PIKFYVE: variants seen among roughly 807,000 people sequenced by gnomAD.
PIKFYVE encodes the protein phosphoinositide kinase, FYVE-type zinc finger containing, also known as 1-phosphatidylinositol 3-phosphate 5-kinase.
Under a neutral mutation model 257.9 loss-of-function variants are expected in PIKFYVE, and 122 were observed. That is an observed-to-expected ratio of 0.47 (90% CI 0.41 to 0.55). The LOEUF is 0.55. Ranked by LOEUF, PIKFYVE falls within the 20% of genes least tolerant of loss-of-function variation. The pLI, the probability that PIKFYVE is intolerant of heterozygous loss-of-function variation, is 0.00. For missense variants in PIKFYVE, 2,160 were observed against 2,536.6 expected, an observed-to-expected ratio of 0.85 and a Z score of 3.19; for synonymous variants, 892 against 868.9, an observed-to-expected ratio of 1.03 and a Z score of -0.47.
intron 35 of PIKFYVE, among the ~76,000 whole-genome samples, chr2:208,349,114 G>C (rs555847319): frequency 3.9e-5 from 6 of 152,284 alleles, no homozygotes; most frequent in Middle Eastern, 3.4e-3. Context: ...AGTGAGCCGA[G>C]ATTGCGCCAT....
intron 5 of PIKFYVE, 131 bp from the exon 6 acceptor site, chr2:208,285,595 C>T: frequency 1.3e-6 from 1 of 755,116 alleles, no homozygotes; most frequent in Admixed American, 2.1e-5. Context: ...TTTTGAGAGT[C>T]TGTACTTGAA....
intron 6 of PIKFYVE, among the ~76,000 whole-genome samples, chr2:208,287,488 G>C (rs1691736332): frequency 6.6e-6 from 1 of 151,966 alleles, no homozygotes; most frequent in African/African-American, 2.4e-5. Flanking sequence ...TGGCCAGGCT[G>C]GTCTTGAACT....
upstream of PIKFYVE, chr2:208,266,243 G>C (rs1370082373): frequency 9.5e-4 from 2 of 2,112 alleles, no homozygotes; most frequent in African/African-American, 1.0e-3. Context: ...CGGAGTCTTG[G>C]GGGGGGGAAG....
In PIKFYVE at chr2:208,326,042, C is replaced by T; in HGVS notation, c.3231C>T (p.Thr1077=). ...LLTEKGMRCS[T]RDYFAEQVYW... ...CTGAAAAGGGGATGAGATGCTCTAC[C>T]CGAGATTATTTTGCAGAGCAGGTTT... is the stretch of plus-strand genomic sequence containing the variant. Residue 1077 remains threonine, a synonymous_variant, in exon 20 of 42, where the codon ACC becomes ACT. Transcript: ENST00000264380. 1.9e-6 allele frequency: 3 copies of T among 1,614,120 alleles called. No individual in the cohort carries two copies. The South Asian group carries it at 3.3e-5, about 18-fold the overall frequency.
chr2:208,270,532 C>A (rs1435296284), intron 1 of PIKFYVE, among the ~76,000 whole-genome samples: 2 of 151,964 alleles, frequency 1.3e-5, no homozygotes, highest in African/African-American at 4.8e-5. Flanking sequence ...ATCTTAATGT[C>A]TATGAATTGA....
Position 208,325,941 on chromosome 2 carries a change from G to A in PIKFYVE, c.3130G>A (p.Ala1044Thr). The A allele has an allele frequency of 1.2e-6, 2 of 1,614,054 alleles. No individual in the cohort carries two copies. Among genetic ancestry groups the A allele is most frequent in the East Asian group, 2.2e-5 (1 of 44,872 alleles). The change falls in exon 20 of 42, where the codon GCC becomes ACC. Residue 1044 changes from alanine (A) to threonine (T), a missense_variant. By Grantham distance (58) the Ala-to-Thr change is moderately conservative. Around this residue, in one of 12 missense-constraint regions of PIKFYVE, gnomAD observed 522 missense variants for 514.6 expected, o/e 1.01. Transcript: ENST00000264380. ...AGATAAACGAAAGACTTATTCTTTG[G>A]CCTTTAAGCAGGAATTAAAAGATGT... Reference protein sequence around the residue: ...SEDKRKTYSLAFKQELKDVIL... With the variant: ...SEDKRKTYSLTFKQELKDVIL...
At chr2:208,275,661 TTAGA>T (rs1690008986) in intron 3 of PIKFYVE, among the ~76,000 whole-genome samples, 2 of 152,330 alleles carry the variant, frequency 1.3e-5, no homozygotes, top group South Asian at 4.1e-4. Flanking sequence ...TTTGTAAACT[TTAGA>T]TCCCAACCTC....
At chr2:208,284,882 T>C (rs992524115) in intron 5 of PIKFYVE, among the ~76,000 whole-genome samples, 4 of 152,098 alleles carry the variant, frequency 2.6e-5, no homozygotes, top group Admixed American at 1.3e-4. Flanking sequence ...TTGGCCAGGT[T>C]GTTCTTGAGC....
intron 39 of PIKFYVE, among the ~76,000 whole-genome samples, chr2:208,352,995 A>G (rs1202441180): frequency 2.0e-5 from 3 of 152,242 alleles, no homozygotes; most frequent in Non-Finnish European, 4.4e-5. Flanking sequence ...AGCATATCCA[A>G]TATTCTAGAA....
At chr2:208,310,689 G>A (rs1227459534) in intron 12 of PIKFYVE, among the ~76,000 whole-genome samples, 2 of 152,092 alleles carry the variant, frequency 1.3e-5, no homozygotes, top group East Asian at 1.9e-4. Context: ...GTGGGACATT[G>A]CACAGAACAT....
chr2:208,324,059 T>G (rs1696626814), intron 17 of PIKFYVE, 83 bp from the exon 18 acceptor site: 1 of 1,470,092 alleles, frequency 6.8e-7, no homozygotes, highest in African/African-American at 1.4e-5. Context: ...ATTCTGTAGG[T>G]TGCCTGTTCA....
In PIKFYVE at chr2:208,326,507, C is replaced by CA. The variant is rs1259960787; in HGVS notation, c.3618+79dup. On this transcript the variant is annotated intron_variant, in intron 20 of 41. Transcript: ENST00000264380. ...CTCCTCAAAGGCAGGCTAAAAAAAT[C>CA]AGTTTGGCAGACTGCATGCAGATTT... The CA allele has an allele frequency of 3.4e-6, 5 of 1,458,778 alleles. No homozygotes were observed. The African/African-American group carries it at 4.2e-5, about 12-fold the overall frequency. The allele number at this position is 1,458,778 out of a possible 1,614,324, so 90.4% of individuals were successfully genotyped here. A position where few individuals can be genotyped will look rare whatever the true frequency, so the allele number is the denominator to read the frequency against.
intron 1 of PIKFYVE, among the ~76,000 whole-genome samples, chr2:208,267,927 A>C (rs1458800783): frequency 6.6e-6 from 1 of 152,158 alleles, no homozygotes; most frequent in East Asian, 1.9e-4. Flanking sequence ...CACAGGTGTG[A>C]GCAGCCACGT....
At chr2:208,305,080 A>G (rs1694162799) in intron 12 of PIKFYVE, 67 bp downstream of exon 12, 1 of 1,604,748 alleles carries the variant, frequency 6.2e-7, no homozygotes, top group African/African-American at 1.3e-5. Flanking sequence ...ATCTCATGCC[A>G]GCCTGTCCTT....
intron 17 of PIKFYVE, among the ~76,000 whole-genome samples, chr2:208,321,354 T>C (rs1348498748): frequency 6.6e-6 from 1 of 152,156 alleles, no homozygotes; most frequent in Admixed American, 6.5e-5. Context: ...ACTTTTGTAC[T>C]GATTTCCTAG....
intron 33 of PIKFYVE, 89 bp downstream of exon 33, chr2:208,345,283 C>T (rs1699127858): frequency 8.9e-7 from 1 of 1,122,698 alleles, no homozygotes; most frequent in African/African-American, 1.6e-5. Context: ...CAGCATTTAT[C>T]ATCATAAAAA....
chr2:208,351,016 G>C, intron 37 of PIKFYVE, 69 bp downstream of exon 37: 1 of 1,577,064 alleles, frequency 6.3e-7, no homozygotes, highest in Non-Finnish European at 8.7e-7. Flanking sequence ...AAATGCAGCA[G>C]GAAGGATATT....
At chr2:208,279,133 A>G (rs1690482922) in intron 5 of PIKFYVE, among the ~76,000 whole-genome samples, 1 of 151,916 alleles carries the variant, frequency 6.6e-6, no homozygotes, top group Admixed American at 6.6e-5. Context: ...TGTGGTTTTG[A>G]TTTGCATTTC....
intron 34 of PIKFYVE, among the ~76,000 whole-genome samples, chr2:208,346,374 A>G (rs945210936): frequency 2.0e-5 from 3 of 152,194 alleles, no homozygotes; most frequent in Admixed American, 6.5e-5. Context: ...AGAAACTTTT[A>G]GAAGCTCTTT....
Sources: gnomAD v4.1 joint callset for allele counts (sites outside exome capture counted in the v4.1 genomes callset) on GRCh38, gnomAD v4.1.1 for gene constraint, gnomAD v4.1.1 regional missense constraint, MANE v1.5 for transcripts, NCBI Gene and HGNC (gene_info 2026-07-23, HGNC 2026-07-21) for gene names.